Variants in CCDC91 observed in about 807,000 individuals in gnomAD.
CCDC91 encodes the protein coiled-coil domain containing 91.
In CCDC91, 48 loss-of-function variants were observed where a neutral mutation model predicts 63.2. The observed-to-expected ratio is 0.76, with a 90% CI of 0.60 to 0.97. CCDC91 has a LOEUF of 0.97. CCDC91 is among the 50% of genes least tolerant of loss of function. The pLI, the probability that CCDC91 is intolerant of heterozygous loss-of-function variation, is 0.00. For missense variants in CCDC91, 500 were observed against 494.6 expected, an observed-to-expected ratio of 1.01 and a Z score of -0.10; for synonymous variants, 167 against 165.8, an observed-to-expected ratio of 1.01 and a Z score of -0.06.
chr12:28,227,516 C>T (rs1272458371), intron 1 of CCDC91, among the ~76,000 whole-genome samples: 2 of 151,902 alleles, frequency 1.3e-5, no homozygotes, highest in South Asian at 2.1e-4. Context: ...ATTGAAACCT[C>T]GAACTCAAAT....
intron 6 of CCDC91, among the ~76,000 whole-genome samples, chr12:28,314,843 A>T (rs1387428978): frequency 6.6e-6 from 1 of 151,960 alleles, no homozygotes; most frequent in African/African-American, 2.4e-5. Flanking sequence ...TAGGAATCCC[A>T]TCCTCTTCAT....
At chr12:28,527,364 TTA>T (rs943368790) in intron 12 of CCDC91, among the ~76,000 whole-genome samples, 57 of 152,220 alleles carry the variant, frequency 3.7e-4, no homozygotes, top group African/African-American at 1.3e-3. Flanking sequence ...GTAATGATTG[TTA>T]TCTCTCTTCT....
intron 1 of CCDC91, among the ~76,000 whole-genome samples, chr12:28,194,927 G>T (rs1344509630): frequency 6.6e-6 from 1 of 152,230 alleles, no homozygotes; most frequent in South Asian, 2.1e-4. Context: ...CACTGTGAGT[G>T]TTACAGCTCA....
intron 8 of CCDC91, among the ~76,000 whole-genome samples, chr12:28,428,341 C>T (rs188751321): frequency 7.4e-4 from 112 of 151,960 alleles, no homozygotes; most frequent in African/African-American, 2.3e-3. Context: ...GAGGCCGAGG[C>T]GGGCAGACCA....
intron 12 of CCDC91, among the ~76,000 whole-genome samples, chr12:28,504,299 A>G (rs538949956): frequency 6.6e-6 from 1 of 151,972 alleles, no homozygotes; most frequent in South Asian, 2.1e-4. Context: ...AATGTTTCCC[A>G]ATACTTTTAT....
chr12:28,360,569 A>G (rs1340664528), intron 6 of CCDC91, among the ~76,000 whole-genome samples: 3 of 152,214 alleles, frequency 2.0e-5, no homozygotes, highest in African/African-American at 7.2e-5. Context: ...ACTACAACCA[A>G]CCTGGCATTA....
intron 12 of CCDC91, among the ~76,000 whole-genome samples, chr12:28,527,557 G>GCTAT (rs1161946671): frequency 6.6e-6 from 1 of 152,178 alleles, no homozygotes; most frequent in Non-Finnish European, 1.5e-5. Flanking sequence ...TGATTAGTGT[G>GCTAT]CTATTTTTGT....
intron 8 of CCDC91, among the ~76,000 whole-genome samples, chr12:28,420,962 G>T (rs1947968742): frequency 1.3e-5 from 2 of 151,914 alleles, no homozygotes; most frequent in South Asian, 4.1e-4. Flanking sequence ...ACAGAATGTT[G>T]CTATGAGTAA....
chr12:28,507,545 A>T (rs1312938307), intron 12 of CCDC91, among the ~76,000 whole-genome samples: 2 of 151,956 alleles, frequency 1.3e-5, no homozygotes, highest in Non-Finnish European at 2.9e-5. Context: ...AACTATTCTG[A>T]ATATTTGTCA....
At chr12:28,198,770 T>C (rs1183615226) in intron 1 of CCDC91, among the ~76,000 whole-genome samples, 11 of 152,222 alleles carry the variant, frequency 7.2e-5, no homozygotes, top group Non-Finnish European at 1.5e-5. Flanking sequence ...TATTTACTAA[T>C]GCTTAAGGTA....
chr12:28,500,046 A>G (rs1037828992), intron 12 of CCDC91, among the ~76,000 whole-genome samples: 19 of 151,936 alleles, frequency 1.3e-4, no homozygotes, highest in African/African-American at 3.9e-4. Flanking sequence ...TCTAACTGGC[A>G]TGAGATGGTA....
At chr12:28,446,048 C>G (rs2140280157) in intron 8 of CCDC91, among the ~76,000 whole-genome samples, 1 of 142,952 alleles carries the variant, frequency 7.0e-6, no homozygotes, top group South Asian at 2.2e-4. Context: ...TCATAAAGGG[C>G]AAGAGCAAGG....
intron 12 of CCDC91, among the ~76,000 whole-genome samples, chr12:28,527,108 A>T (rs1941330293): frequency 6.6e-6 from 1 of 152,082 alleles, no homozygotes; most frequent in South Asian, 2.1e-4. Context: ...TTTTTCAGGT[A>T]AATCAGGGAT....
chr12:28,447,613 A>AGT (rs1428505654), intron 8 of CCDC91, among the ~76,000 whole-genome samples: 2 of 149,090 alleles, frequency 1.3e-5, no homozygotes, highest in Non-Finnish European at 3.0e-5. Flanking sequence ...CACTTTGGGA[A>AGT]GCTAAGGTGG....
chr12:28,430,468 A>G (rs771751552), intron 8 of CCDC91, among the ~76,000 whole-genome samples: 14 of 152,100 alleles, frequency 9.2e-5, no homozygotes, highest in Non-Finnish European at 1.8e-4. Flanking sequence ...GACACACAAC[A>G]TTATTGGAAA....
chr12:28,267,721 ATATTATT>A (rs1295139935), intron 3 of CCDC91, among the ~76,000 whole-genome samples: 13 of 71,338 alleles, frequency 1.8e-4, no homozygotes, highest in Non-Finnish European at 3.2e-4. Flanking sequence ...ATAATTATAT[ATATTATT>A]TATTATATAT....
intron 11 of CCDC91, among the ~76,000 whole-genome samples, chr12:28,478,466 G>A (rs1302849152): frequency 2.0e-5 from 3 of 151,784 alleles, no homozygotes; most frequent in Non-Finnish European, 2.9e-5. Flanking sequence ...TTAATTCAAG[G>A]TGGATTAAAG....
chr12:28,210,232 T>C (rs1399926428), intron 1 of CCDC91, among the ~76,000 whole-genome samples: 1 of 152,234 alleles, frequency 6.6e-6, no homozygotes, highest in East Asian at 1.9e-4. Context: ...AAACCTAGTA[T>C]CTGACCTGAA....
intron 6 of CCDC91, among the ~76,000 whole-genome samples, chr12:28,327,770 C>T (rs1327491340): frequency 6.6e-6 from 1 of 152,114 alleles, no homozygotes; most frequent in Non-Finnish European, 1.5e-5. Flanking sequence ...TGTCCTGGCA[C>T]TGGTGGGAGT....
Sources: allele counts gnomAD v4.1 joint callset (sites outside exome capture counted in the v4.1 genomes callset), GRCh38; gene constraint gnomAD v4.1.1; transcripts MANE v1.5; gene names NCBI Gene and HGNC (gene_info 2026-07-23, HGNC 2026-07-21).